Variants in SMAP1 observed in about 807,000 individuals in gnomAD.
The protein encoded by SMAP1 is stromal membrane-associated protein 1.
In SMAP1, 24 loss-of-function variants were observed where a neutral mutation model predicts 58.5. The ratio of observed to expected loss-of-function variants is 0.41; its 90% CI spans 0.30 to 0.58. SMAP1 has a LOEUF of 0.58. Ranked by LOEUF, SMAP1 falls within the 20% of genes least tolerant of loss-of-function variation. The pLI, the probability that SMAP1 is intolerant of heterozygous loss-of-function variation, is 0.29. For missense variants in SMAP1, 563 were observed against 566.3 expected (o/e 0.99, Z 0.06); for synonymous variants, 216 against 196.6 (o/e 1.10, Z -0.82).
chr6:70,683,256 C>T (rs990585480), intron 1 of SMAP1, among the ~76,000 whole-genome samples: 2 of 150,452 alleles, frequency 1.3e-5, no homozygotes, highest in African/African-American at 2.4e-5. Flanking sequence ...TTGCAACCTC[C>T]GCCTCCCGTG....
At chr6:70,855,821 G>A (rs1444162149) in intron 8 of SMAP1, among the ~76,000 whole-genome samples, 1 of 151,944 alleles carries the variant, frequency 6.6e-6, no homozygotes, top group Non-Finnish European at 1.5e-5. Context: ...TTTATTCAGG[G>A]GTATTGTGAT....
chr6:70,698,790 T>G (rs1326465625), intron 1 of SMAP1, among the ~76,000 whole-genome samples: 1 of 152,208 alleles, frequency 6.6e-6, no homozygotes, highest in East Asian at 1.9e-4. Flanking sequence ...CTGAATTCCT[T>G]TTCAGTGTTA....
At chr6:70,744,049 G>GT (rs1183995424) in intron 2 of SMAP1, among the ~76,000 whole-genome samples, 1 of 151,930 alleles carries the variant, frequency 6.6e-6, no homozygotes, top group Non-Finnish European at 1.5e-5. Context: ...AATACTAATA[G>GT]TTTTTTTGGA....
chr6:70,736,859 T>C (rs1765638448), intron 2 of SMAP1, among the ~76,000 whole-genome samples: 1 of 152,236 alleles, frequency 6.6e-6, no homozygotes, highest in Admixed American at 6.5e-5. Flanking sequence ...TTTTACACAG[T>C]GCATTCAGAG....
intron 3 of SMAP1, among the ~76,000 whole-genome samples, chr6:70,768,542 G>T (rs530616204): frequency 6.6e-6 from 1 of 152,192 alleles, no homozygotes; most frequent in African/African-American, 2.4e-5. Context: ...TTGCGTAGAG[G>T]TGTTTGTCGT....
chr6:70,696,746 T>C (rs1322835993), intron 1 of SMAP1, among the ~76,000 whole-genome samples: 2 of 152,210 alleles, frequency 1.3e-5, no homozygotes, highest in African/African-American at 2.4e-5. Flanking sequence ...TTTGCAGATA[T>C]CTGTTAGGTC....
At chr6:70,672,685 G>A (rs76119762) in intron 1 of SMAP1, among the ~76,000 whole-genome samples, 18 of 152,214 alleles carry the variant, frequency 1.2e-4, no homozygotes, top group African/African-American at 4.1e-4. Context: ...ATGAATGAAT[G>A]TGTGAATGAA....
intron 6 of SMAP1, among the ~76,000 whole-genome samples, chr6:70,833,232 C>G (rs1044149190): frequency 3.3e-5 from 5 of 152,142 alleles, no homozygotes; most frequent in Non-Finnish European, 7.4e-5. Flanking sequence ...AGGTTAATTT[C>G]TTATGTTTAC....
chr6:70,775,147 T>C (rs192363418), intron 4 of SMAP1, among the ~76,000 whole-genome samples: 1 of 152,216 alleles, frequency 6.6e-6, no homozygotes, highest in Admixed American at 6.5e-5. Flanking sequence ...AAATTGACAG[T>C]ATTGAGAATA....
intron 2 of SMAP1, among the ~76,000 whole-genome samples, chr6:70,751,954 T>C (rs374353009): frequency 1.3e-4 from 20 of 152,146 alleles, no homozygotes; most frequent in African/African-American, 4.8e-4. Context: ...GAAAACTGAA[T>C]AATTAATTGC....
rs564580708 is a variant in SMAP1 at position 70,728,368 on chromosome 6, A to G, written c.119-4010A>G. On this transcript the variant is annotated intron_variant, in intron 1 of 10. Transcript: ENST00000370455. Reference sequence around the variant, plus strand: ...ACAGCCACATTTCTAGGTAAAATTCAGAAGCCTTTATTACTTAAAGGAAGA... The same window carrying G: ...ACAGCCACATTTCTAGGTAAAATTCGGAAGCCTTTATTACTTAAAGGAAGA... 5.9e-5 allele frequency among the ~76,000 whole-genome samples: 9 copies of G among 152,338 alleles called. No individual in the cohort carries two copies. In the South Asian group the frequency reaches 1.9e-3, roughly 32 times the overall value.
intron 8 of SMAP1, among the ~76,000 whole-genome samples, chr6:70,855,096 A>ATACATG (rs1301537575): frequency 8.6e-5 from 13 of 151,836 alleles, no homozygotes. Context: ...ACATATACAT[A>ATACATG]TACATATACA....
chr6:70,808,559 G>A (rs1202593254), intron 6 of SMAP1, among the ~76,000 whole-genome samples: 3 of 152,158 alleles, frequency 2.0e-5, no homozygotes, highest in African/African-American at 4.8e-5. Context: ...TCACTTAACT[G>A]TCCAGAGCCT....
chr6:70,764,469 C>G (rs926744620), intron 3 of SMAP1, among the ~76,000 whole-genome samples: 2 of 152,188 alleles, frequency 1.3e-5, no homozygotes, highest in African/African-American at 4.8e-5. Context: ...CAGCTGGTGA[C>G]TTTAAGTTGA....
At chr6:70,719,523 C>T (rs1768422608) in intron 1 of SMAP1, among the ~76,000 whole-genome samples, 1 of 152,154 alleles carries the variant, frequency 6.6e-6, no homozygotes, top group South Asian at 2.1e-4. Context: ...CCCATTTCCC[C>T]CCTGAACTTA....
intron 5 of SMAP1, among the ~76,000 whole-genome samples, chr6:70,793,667 AG>A (rs1768466030): frequency 6.7e-6 from 1 of 149,970 alleles, no homozygotes; most frequent in Non-Finnish European, 1.5e-5. Context: ...AGAGAGAGAG[AG>A]AGAGAAAGCT....
chr6:70,691,955 C>A lies in SMAP1; in HGVS notation c.118+23814C>A, dbSNP rs965623780. 2.0e-5 allele frequency among the ~76,000 whole-genome samples: 3 copies of A among 152,188 alleles called. No individual in the cohort carries two copies. In the East Asian group the frequency reaches 5.8e-4, roughly 29 times the overall value. ...AGGTATCTCTTCAGTATAATTATTT[C>A]CTTTCTTTTGGGTATATAGCTAGCA... On this transcript the variant is annotated intron_variant, in intron 1 of 10. Transcript: ENST00000370455.
chr6:70,743,770 A>G (rs1374034418), intron 2 of SMAP1, among the ~76,000 whole-genome samples: 1 of 152,192 alleles, frequency 6.6e-6, no homozygotes, highest in African/African-American at 2.4e-5. Flanking sequence ...CATTAAATGC[A>G]TCTTCAAAGA....
intron 1 of SMAP1, among the ~76,000 whole-genome samples, chr6:70,682,374 A>G (rs976875208): frequency 2.0e-5 from 3 of 151,748 alleles, no homozygotes; most frequent in Admixed American, 1.3e-4. Flanking sequence ...TTTTTAATAG[A>G]GATGGGGTTT....
Sources: allele counts gnomAD v4.1 joint callset (sites outside exome capture counted in the v4.1 genomes callset), GRCh38; gene constraint gnomAD v4.1.1; transcripts MANE v1.5; gene names NCBI Gene and HGNC (gene_info 2026-07-23, HGNC 2026-07-21).